The following GLIS3 variants were observed in gnomAD, a reference collection of about 807,000 sequenced individuals.
The protein encoded by GLIS3 is zinc finger protein GLIS3.
A neutral mutation model predicts 78.6 loss-of-function variants in GLIS3; 53 were observed. The ratio of observed to expected loss-of-function variants is 0.67; its 90% CI spans 0.54 to 0.85. The LOEUF is 0.85. GLIS3 is among the 40% of genes least tolerant of loss of function. The pLI is 0.00. For missense variants in GLIS3, 1,703 were observed against 1,231.1 expected (o/e 1.38, Z -5.74); for synonymous variants, 684 against 509.9 (o/e 1.34, Z -4.60).
At chr9:4,367,854 T>C in the GLIS3 span, among the ~76,000 whole-genome samples, 2 of 152,140 alleles carry the variant, frequency 1.3e-5, no homozygotes, top group African/African-American at 4.8e-5. Context: ...CATCTACCAA[T>C]TCATGTAATC....
chr9:4,385,497 C>T, the GLIS3 span, among the ~76,000 whole-genome samples: 1 of 151,944 alleles, frequency 6.6e-6, no homozygotes, highest in South Asian at 2.1e-4. Context: ...AACCCTGTCT[C>T]TACTAAAAAA....
intron 4 of GLIS3, among the ~76,000 whole-genome samples, chr9:3,950,682 C>G (rs1470323872): frequency 3.3e-5 from 5 of 152,226 alleles, no homozygotes; most frequent in South Asian, 2.1e-4. Context: ...CACATATATG[C>G]CCTTATAGCA....
intron 2 of GLIS3, among the ~76,000 whole-genome samples, chr9:4,136,067 C>A (rs971558109): frequency 7.9e-5 from 12 of 152,134 alleles, no homozygotes; most frequent in African/African-American, 2.9e-4. Flanking sequence ...TAACCGGCTC[C>A]TATATTCAGG....
chr9:4,190,113 A>T (rs1314788548), intron 2 of GLIS3, among the ~76,000 whole-genome samples: 1 of 152,168 alleles, frequency 6.6e-6, no homozygotes, highest in Non-Finnish European at 1.5e-5. Flanking sequence ...GGAAACTCTA[A>T]AAAGCAGAGC....
At chr9:3,978,098 G>C (rs144608265) in intron 4 of GLIS3, among the ~76,000 whole-genome samples, 1 of 152,218 alleles carries the variant, frequency 6.6e-6, no homozygotes, top group South Asian at 2.1e-4. Flanking sequence ...TTGGGATGAA[G>C]GGTGAAGCCC....
the GLIS3 span, among the ~76,000 whole-genome samples, chr9:4,366,380 G>A: frequency 6.6e-6 from 1 of 151,774 alleles, no homozygotes; most frequent in Non-Finnish European, 1.5e-5. Flanking sequence ...GTTAAAACGT[G>A]AAAAAAAACC....
intron 4 of GLIS3, among the ~76,000 whole-genome samples, chr9:4,070,334 T>C (rs973532359): frequency 6.6e-6 from 1 of 152,204 alleles, no homozygotes; most frequent in African/African-American, 2.4e-5. Flanking sequence ...GGAAAACTAG[T>C]AAGCAAATTG....
At chr9:4,315,825 C>T (rs959989459) in intron 2 of GLIS3, among the ~76,000 whole-genome samples, 2 of 152,040 alleles carry the variant, frequency 1.3e-5, no homozygotes, top group African/African-American at 2.4e-5. Flanking sequence ...TTAGCCCTGA[C>T]CCTAGCTCAG....
At chr9:4,177,860 G>A (rs1032287321) in intron 2 of GLIS3, among the ~76,000 whole-genome samples, 3 of 152,162 alleles carry the variant, frequency 2.0e-5, no homozygotes, top group East Asian at 3.8e-4. Flanking sequence ...TCACAATGCT[G>A]AATGTTTCCA....
At chr9:4,135,059 T>G (rs570121252) in intron 2 of GLIS3, among the ~76,000 whole-genome samples, 2 of 152,296 alleles carry the variant, frequency 1.3e-5, no homozygotes, top group African/African-American at 4.8e-5. Context: ...AGAAATACAT[T>G]ATTTATTGTG....
chr9:4,229,941 C>T (rs1002876405), intron 2 of GLIS3, among the ~76,000 whole-genome samples: 1 of 152,210 alleles, frequency 6.6e-6, no homozygotes, highest in Non-Finnish European at 1.5e-5. Flanking sequence ...TTATTCTGAA[C>T]ATTGCCCAAT....
chr9:4,226,054 C>T (rs955560602), intron 2 of GLIS3, among the ~76,000 whole-genome samples: 7 of 152,144 alleles, frequency 4.6e-5, no homozygotes, highest in Admixed American at 6.5e-5. Context: ...ACATTTAAAT[C>T]GTTATTCAGG....
chr9:3,858,346 G>A (rs1017536242), intron 8 of GLIS3, among the ~76,000 whole-genome samples: 4 of 151,964 alleles, frequency 2.6e-5, no homozygotes, highest in African/African-American at 9.7e-5. Context: ...TCATTCTTAT[G>A]TACTCATCCA....
chr9:4,201,728 G>A (rs1819414005), intron 2 of GLIS3, among the ~76,000 whole-genome samples: 1 of 152,134 alleles, frequency 6.6e-6, no homozygotes, highest in Non-Finnish European at 1.5e-5. Flanking sequence ...CTCATGGATT[G>A]GAAGACTCAA....
At chr9:3,832,413 G>A (rs1360420773) in intron 9 of GLIS3, among the ~76,000 whole-genome samples, 3 of 152,126 alleles carry the variant, frequency 2.0e-5, no homozygotes, top group South Asian at 4.1e-4. Flanking sequence ...GTTCCTAGGT[G>A]GAATCTTCAA....
intron 4 of GLIS3, among the ~76,000 whole-genome samples, chr9:4,043,033 C>A (rs1588521006): frequency 6.6e-6 from 1 of 151,724 alleles, no homozygotes; most frequent in South Asian, 2.1e-4. Flanking sequence ...AATGGCTATT[C>A]TTCTACTAAG....
intron 4 of GLIS3, among the ~76,000 whole-genome samples, chr9:4,050,167 A>G (rs1825618189): frequency 1.3e-5 from 2 of 152,022 alleles, no homozygotes; most frequent in Admixed American, 6.6e-5. Context: ...ATTGCGGCCT[A>G]TTCACCATAG....
chr9:4,351,360 G>A (rs571957125), upstream of GLIS3, among the ~76,000 whole-genome samples: 6 of 143,940 alleles, frequency 4.2e-5, no homozygotes, highest in Admixed American at 2.8e-4. Flanking sequence ...AACTGTAATC[G>A]CACCACTGCA....
At chr9:4,200,124 G>C (rs1423836833) in intron 2 of GLIS3, among the ~76,000 whole-genome samples, 1 of 152,042 alleles carries the variant, frequency 6.6e-6, no homozygotes, top group Non-Finnish European at 1.5e-5. Context: ...CAGAGATACA[G>C]CATACCAAAA....
Sources: allele counts gnomAD v4.1 joint callset (sites outside exome capture counted in the v4.1 genomes callset), GRCh38; gene constraint gnomAD v4.1.1; transcripts MANE v1.5; gene names NCBI Gene and HGNC (gene_info 2026-07-23, HGNC 2026-07-21).